The following LSAMP variants were observed in gnomAD, a reference collection of about 807,000 sequenced individuals.
LSAMP encodes limbic system associated membrane protein, also known as limbic system-associated membrane protein.
LSAMP carries 7 observed loss-of-function variants against 38.6 expected under a neutral mutation model. The observed-to-expected ratio is 0.18, with a 90% CI of 0.10 to 0.34. The LOEUF (loss-of-function observed/expected upper bound fraction) is 0.34. Among genes scored for constraint, LSAMP ranks in the 10% least tolerant of loss-of-function variants. The pLI is 1.00. For missense variants in LSAMP, 313 were observed against 420.0 expected (o/e 0.75, Z 2.23); for synonymous variants, 154 against 166.8 (o/e 0.92, Z 0.59).
intron 1 of LSAMP, among the ~76,000 whole-genome samples, chr3:116,251,407 T>C (rs1250250089): frequency 6.6e-6 from 1 of 152,190 alleles, no homozygotes; most frequent in Non-Finnish European, 1.5e-5. Flanking sequence ...CAAGAACACC[T>C]TTCTAACAGA....
At chr3:115,970,353 C>T (rs1023608744) in intron 3 of LSAMP, among the ~76,000 whole-genome samples, 2 of 152,150 alleles carry the variant, frequency 1.3e-5, no homozygotes, top group African/African-American at 4.8e-5. Context: ...GCCTTTCATC[C>T]AGAAAACTTT....
intron 1 of LSAMP, among the ~76,000 whole-genome samples, chr3:116,247,200 G>A (rs1034093069): frequency 1.3e-5 from 2 of 152,114 alleles, no homozygotes; most frequent in African/African-American, 4.8e-5. Flanking sequence ...GGGAGTAACC[G>A]CTGCCTGATA....
chr3:116,207,329 G>A (rs552962114), intron 1 of LSAMP, among the ~76,000 whole-genome samples: 1 of 152,254 alleles, frequency 6.6e-6, no homozygotes, highest in African/African-American at 2.4e-5. Context: ...CCTGAATACA[G>A]CACACTGATG....
chr3:116,045,898 C>T (rs917323100), intron 2 of LSAMP, among the ~76,000 whole-genome samples: 1 of 152,128 alleles, frequency 6.6e-6, no homozygotes, highest in Non-Finnish European at 1.5e-5. Flanking sequence ...AGGAAATAAC[C>T]TAGGCTCAAT....
chr3:115,930,865 G>T (rs192952730), intron 3 of LSAMP, among the ~76,000 whole-genome samples: 171 of 152,174 alleles, frequency 1.1e-3, no homozygotes, highest in African/African-American at 3.9e-3. Flanking sequence ...TCTTCCTTGG[G>T]ATGAGGATCT....
chr3:116,004,916 TC>T (rs1940113334), intron 3 of LSAMP, among the ~76,000 whole-genome samples: 1 of 152,124 alleles, frequency 6.6e-6, no homozygotes, highest in African/African-American at 2.4e-5. Context: ...TCCTAGTAGC[TC>T]CTACATACGT....
chr3:115,820,092 A>G (rs1193232145), intron 6 of LSAMP, among the ~76,000 whole-genome samples: 1 of 146,788 alleles, frequency 6.8e-6, no homozygotes, highest in Admixed American at 6.9e-5. Context: ...TTCTGTTGTT[A>G]TAGACAGAAT....
At chr3:116,127,603 T>A (rs928333127) in intron 1 of LSAMP, among the ~76,000 whole-genome samples, 1 of 151,630 alleles carries the variant, frequency 6.6e-6, no homozygotes, top group Admixed American at 6.6e-5. Context: ...GCTGAGAAAG[T>A]AAGTTCCTTT....
At chr3:116,174,830 C>G (rs1396089582) in intron 1 of LSAMP, among the ~76,000 whole-genome samples, 2 of 152,070 alleles carry the variant, frequency 1.3e-5, no homozygotes, top group African/African-American at 4.8e-5. Context: ...TCAAAATCAC[C>G]CACCATTTAG....
intron 1 of LSAMP, among the ~76,000 whole-genome samples, chr3:116,300,446 TAA>T (rs2047390802): frequency 6.6e-6 from 1 of 152,146 alleles, no homozygotes; most frequent in African/African-American, 2.4e-5. Flanking sequence ...TTGTAACACA[TAA>T]AGTCACTTAA....
intron 1 of LSAMP, among the ~76,000 whole-genome samples, chr3:116,294,037 T>G (rs749791461): frequency 2.0e-5 from 3 of 152,052 alleles, no homozygotes; most frequent in African/African-American, 7.2e-5. Context: ...GCTGAAAGGA[T>G]GAATAAATGA....
At chr3:116,020,739 G>A (rs187319900) in intron 2 of LSAMP, among the ~76,000 whole-genome samples, 87 of 152,272 alleles carry the variant, frequency 5.7e-4, no homozygotes, top group African/African-American at 1.9e-3. Flanking sequence ...TCATCACAGA[G>A]GTTATGCACT....
At chr3:116,064,850 G>A (rs1379065963) in intron 2 of LSAMP, among the ~76,000 whole-genome samples, 3 of 152,160 alleles carry the variant, frequency 2.0e-5, no homozygotes, top group Non-Finnish European at 4.4e-5. Flanking sequence ...AGTCAGACTG[G>A]AATGTAATTC....
At chr3:116,255,707 T>C (rs2107653110) in intron 1 of LSAMP, among the ~76,000 whole-genome samples, 1 of 152,264 alleles carries the variant, frequency 6.6e-6, no homozygotes, top group South Asian at 2.1e-4. Flanking sequence ...TAAAACCAGA[T>C]GCTGGTGAAT....
chr3:116,086,118 T>C (rs757219308), intron 2 of LSAMP, among the ~76,000 whole-genome samples: 12 of 152,220 alleles, frequency 7.9e-5, no homozygotes, highest in Non-Finnish European at 1.5e-4. Context: ...CCAATGTTAC[T>C]GGCTCTCAGT....
chr3:116,096,700 T>C (rs931849060), intron 1 of LSAMP, among the ~76,000 whole-genome samples: 14 of 152,346 alleles, frequency 9.2e-5, no homozygotes, highest in Admixed American at 8.5e-4. Context: ...CTCTCTAGGA[T>C]AGCTGAAATA....
At chr3:115,833,643 A>G (rs892756195) in intron 6 of LSAMP, among the ~76,000 whole-genome samples, 1 of 152,206 alleles carries the variant, frequency 6.6e-6, no homozygotes, top group Non-Finnish European at 1.5e-5. Context: ...TCAAACTTAT[A>G]AAACAGCAGC....
At chr3:116,345,648 A>G (rs939871890) in intron 1 of LSAMP, among the ~76,000 whole-genome samples, 1 of 152,084 alleles carries the variant, frequency 6.6e-6, no homozygotes, top group African/African-American at 2.4e-5. Flanking sequence ...CAGTTTCATA[A>G]TAATGTTATT....
At chr3:116,282,309 TGGGGA>T (rs1264488530) in intron 1 of LSAMP, among the ~76,000 whole-genome samples, 2 of 152,142 alleles carry the variant, frequency 1.3e-5, no homozygotes, top group African/African-American at 2.4e-5. Flanking sequence ...AAATATATCT[TGGGGA>T]GGCAGCCCCC....
Sources: allele counts gnomAD v4.1 joint callset (sites outside exome capture counted in the v4.1 genomes callset), GRCh38; gene constraint gnomAD v4.1.1; transcripts MANE v1.5; gene names NCBI Gene and HGNC (gene_info 2026-07-23, HGNC 2026-07-21).